The following NELL2 variants were observed in gnomAD, a reference collection of about 807,000 sequenced individuals.
NELL2 encodes the protein protein kinase C-binding protein NELL2.
Under a neutral mutation model 109.6 loss-of-function variants are expected in NELL2, and 41 were observed. The ratio of observed to expected loss-of-function variants is 0.37; its 90% CI spans 0.29 to 0.49. NELL2 has a LOEUF of 0.49. Ranked by LOEUF, NELL2 falls within the 20% of genes least tolerant of loss-of-function variation. The pLI is 0.98. For synonymous variants in NELL2, 355 were observed against 344.7 expected, an observed-to-expected ratio of 1.03 and a Z score of -0.33; for missense variants, 900 against 1,008.3, an observed-to-expected ratio of 0.89 and a Z score of 1.45.
At chr12:44,777,377 G>T in intron 5 of NELL2, 63 bp from the exon 6 acceptor site, 1 of 1,325,956 alleles carries the variant, frequency 7.5e-7, no homozygotes. Context: ...ATGTTCAATG[G>T]TCAAGTTCAT....
intron 15 of NELL2, among the ~76,000 whole-genome samples, chr12:44,591,419 T>C (rs1202664000): frequency 1.3e-5 from 2 of 152,114 alleles, no homozygotes; most frequent in East Asian, 3.8e-4. Flanking sequence ...ATGTGGTATA[T>C]ATACATGATG....
chr12:44,584,724 G>C (rs1186409463), intron 15 of NELL2, among the ~76,000 whole-genome samples: 1 of 152,090 alleles, frequency 6.6e-6, no homozygotes, highest in Non-Finnish European at 1.5e-5. Context: ...AATCCATGTT[G>C]CTATAAATTC....
chr12:44,734,702 A>T (rs1315414259), intron 9 of NELL2, among the ~76,000 whole-genome samples: 1 of 151,932 alleles, frequency 6.6e-6, no homozygotes, highest in Non-Finnish European at 1.5e-5. Context: ...GCGTCTTAAA[A>T]TATTTTAACA....
Position 44,875,307 on chromosome 12 carries a change from T to C in NELL2, c.102A>G (p.Thr34=). The change falls in exon 2 of 20, where the codon ACA becomes ACG. Residue 34 remains threonine (T), a synonymous_variant. Coordinates refer to ENST00000429094, the MANE Select transcript of NELL2 (RefSeq NM_001145108.2). ...TCGTGGACTCCCCAAGTTCTAACTCTGTTAAGACGTCAATCTGTAGGGAAG... is the reference window on the plus strand; with the variant it reads ...TCGTGGACTCCCCAAGTTCTAACTCCGTTAAGACGTCAATCTGTAGGGAAG... The part of the protein sequence containing the change: ...VDPSLQIDVL[T]ELELGESTTG... 6.2e-7 allele frequency: 1 copy of C among 1,614,158 alleles called. No homozygotes were observed. The highest frequency in any genetic ancestry group is 8.5e-7 in the Non-Finnish European group (1 of 1,180,032).
At chr12:44,724,063 T>TA (rs1231634262) in intron 9 of NELL2, among the ~76,000 whole-genome samples, 2 of 151,680 alleles carry the variant, frequency 1.3e-5, no homozygotes. Flanking sequence ...TATGCAGCCA[T>TA]AAAAAAGAAT....
intron 2 of NELL2, among the ~76,000 whole-genome samples, chr12:44,843,119 C>A (rs1270458989): frequency 6.6e-6 from 1 of 151,244 alleles, no homozygotes; most frequent in Non-Finnish European, 1.5e-5. Flanking sequence ...AATAGCCAAG[C>A]TACATATGAC....
At chr12:44,866,933 G>C (rs1338027205) in intron 2 of NELL2, among the ~76,000 whole-genome samples, 4 of 151,896 alleles carry the variant, frequency 2.6e-5, no homozygotes, top group Non-Finnish European at 4.4e-5. Flanking sequence ...AACTTACCAA[G>C]ACAAAATCAT....
chr12:44,532,006 T>C (rs961529879), intron 16 of NELL2, among the ~76,000 whole-genome samples: 1 of 152,122 alleles, frequency 6.6e-6, no homozygotes, highest in Non-Finnish European at 1.5e-5. Flanking sequence ...AAATTAATGG[T>C]AACTAATTGA....
chr12:44,862,256 T>C (rs549200817), intron 2 of NELL2, among the ~76,000 whole-genome samples: 1 of 152,360 alleles, frequency 6.6e-6, no homozygotes, highest in African/African-American at 2.4e-5. Context: ...ATCTTGCTTT[T>C]ATTATTATTT....
chr12:44,914,701 TAGTGGATGTTAAATAAA>T (rs1945813490), upstream of NELL2, among the ~76,000 whole-genome samples: 1 of 152,152 alleles, frequency 6.6e-6, no homozygotes, highest in South Asian at 2.1e-4. Flanking sequence ...GGTAAATATT[TAGTGGATGTTAAATAAA>T]AGTGGAGGTG....
chr12:44,856,145 A>G (rs1293896926), intron 2 of NELL2, among the ~76,000 whole-genome samples: 1 of 152,238 alleles, frequency 6.6e-6, no homozygotes, highest in East Asian at 1.9e-4. Context: ...CAGAGACTCA[A>G]GCCCCAAGGA....
At position 44,522,085 on chromosome 12, in the gene NELL2, C is replaced by A. The variant is rs1315383054; in HGVS notation, c.2090G>T (p.Ser697Ile). The change falls in exon 18 of 20, where the codon AGT becomes ATT. Residue 697 changes from serine (S) to isoleucine (I), a missense_variant. Physicochemically the swap from Ser to Ile is moderately radical, Grantham distance 142. Around this residue, in one of 4 missense-constraint regions of NELL2, gnomAD observed 333 missense variants for 432.3 expected, o/e 0.77. Coordinates refer to ENST00000429094, the MANE Select transcript of NELL2 (RefSeq NM_001145108.2). ...FCCPECDPRL[S>I]SQCLHQNGET... ...CCCATTTTGATGGAGGCACTGACTA[C>A]TAAGCCTTGGGTCACATTCAGGGCA... 3.1e-6 allele frequency: 5 copies of A among 1,613,996 alleles called. No individual in the cohort carries two copies. In the African/African-American group the frequency reaches 5.3e-5, roughly 17 times the overall value.
intron 19 of NELL2, among the ~76,000 whole-genome samples, chr12:44,519,575 T>G (rs986217642): frequency 6.6e-6 from 1 of 152,212 alleles, no homozygotes; most frequent in Non-Finnish European, 1.5e-5. Context: ...TGATTTCCAC[T>G]TTGGAAAATG....
At chr12:44,694,307 C>T (rs1053268969) in intron 12 of NELL2, among the ~76,000 whole-genome samples, 10 of 152,152 alleles carry the variant, frequency 6.6e-5, no homozygotes, top group Admixed American at 3.9e-4. Context: ...TGAATTAGAA[C>T]GTTGGTCTTC....
rs559059550 is a variant in NELL2, at chr12:44,585,414, C to A, written c.1663+21755G>T. 9.2e-5 allele frequency among the ~76,000 whole-genome samples: 14 copies of A among 152,146 alleles called. No individual in the cohort carries two copies. In the South Asian group the frequency reaches 2.7e-3, roughly 29 times the overall value. ...GTCAGGAGTTCGAGACCACCCTGGCCAACATGGCGAAACTCCTTCTTTACT... is the reference window on the plus strand; with the variant it reads ...GTCAGGAGTTCGAGACCACCCTGGCAAACATGGCGAAACTCCTTCTTTACT... On this transcript the variant is annotated intron_variant, in intron 15 of 19. Coordinates refer to ENST00000429094, the MANE Select transcript of NELL2 (RefSeq NM_001145108.2).
chr12:44,603,589 C>T (rs1489921518), intron 15 of NELL2, among the ~76,000 whole-genome samples: 1 of 152,134 alleles, frequency 6.6e-6, no homozygotes, highest in Admixed American at 6.6e-5. Flanking sequence ...CCAAGTTAAA[C>T]ACCTGATGGA....
intron 10 of NELL2, 76 bp from the exon 11 acceptor site, chr12:44,711,470 G>T: frequency 7.9e-7 from 1 of 1,260,752 alleles, no homozygotes; most frequent in Non-Finnish European, 1.1e-6. Context: ...TCCAGCATCT[G>T]AGAAGACTCT....
intron 16 of NELL2, among the ~76,000 whole-genome samples, chr12:44,528,126 A>G (rs1448591056): frequency 1.3e-5 from 2 of 149,126 alleles, no homozygotes; most frequent in Non-Finnish European, 3.0e-5. Flanking sequence ...AAAAAAAAAA[A>G]AGAATCCTTC....
intron 13 of NELL2, among the ~76,000 whole-genome samples, chr12:44,653,482 C>T (rs1005651966): frequency 6.6e-6 from 1 of 152,142 alleles, no homozygotes; most frequent in Non-Finnish European, 1.5e-5. Flanking sequence ...AGATTCTACG[C>T]CATTTCCTGT....
Sources: gnomAD v4.1 joint callset for allele counts (sites outside exome capture counted in the v4.1 genomes callset) on GRCh38, gnomAD v4.1.1 for gene constraint, gnomAD v4.1.1 regional missense constraint, MANE v1.5 for transcripts, NCBI Gene and HGNC (gene_info 2026-07-23, HGNC 2026-07-21) for gene names.